CDH23: variants seen among roughly 807,000 people sequenced by gnomAD.
The protein encoded by CDH23 is cadherin-23.
In CDH23, 189 loss-of-function variants were observed where a neutral mutation model predicts 317.1. The observed-to-expected ratio is 0.60, with a 90% CI of 0.53 to 0.67. CDH23 has a LOEUF of 0.67. CDH23 is among the 30% of genes least tolerant of loss of function. The pLI is 0.00. For synonymous variants in CDH23, 1,839 were observed against 1,876.8 expected, an observed-to-expected ratio of 0.98 and a Z score of 0.52; for missense variants, 4,401 against 4,592.4, an observed-to-expected ratio of 0.96 and a Z score of 1.20.
intron 6 of CDH23, among the ~76,000 whole-genome samples, chr10:71,563,906 G>A (rs1035705167): frequency 4.6e-5 from 7 of 151,894 alleles, no homozygotes; most frequent in Non-Finnish European, 8.8e-5. Context: ...GCACCACCAC[G>A]CCCAGCTAAT....
At chr10:71,796,271 G>A (rs547059980) in intron 48 of CDH23, among the ~76,000 whole-genome samples, 7 of 152,176 alleles carry the variant, frequency 4.6e-5, no homozygotes, top group African/African-American at 1.2e-4. Context: ...CCCAAGAAAC[G>A]CAGCACTGAG....
chr10:71,489,748 T>C (rs545951427), intron 3 of CDH23, among the ~76,000 whole-genome samples: 1 of 152,172 alleles, frequency 6.6e-6, no homozygotes, highest in South Asian at 2.1e-4. Context: ...CTTAAGCACT[T>C]AAGCTCACTA....
At chr10:71,455,760 A>T (rs1336000343) in intron 3 of CDH23, among the ~76,000 whole-genome samples, 1 of 152,134 alleles carries the variant, frequency 6.6e-6, no homozygotes, top group East Asian at 1.9e-4. Flanking sequence ...TGTATTTTCC[A>T]CCTGTGCATT....
rs1391685463 is a variant in CDH23 at position 71,813,254 on chromosome 10, T to A, written c.9644T>A (p.Leu3215Gln). 2 of 1,551,496 alleles carry A rather than the reference T, an allele frequency of 1.3e-6. No individual in the cohort carries two copies. Among genetic ancestry groups the A allele is most frequent in the African/African-American group, 2.7e-5 (2 of 73,048 alleles). Reference protein sequence around the residue: ...IREGPIKGSLLKVVLEDYLRL... With the variant: ...IREGPIKGSLQKVVLEDYLRL... ...CTTTCCCTCCCCCAGGGCTCGCTGC[T>A]GAAGGTGGTCCTGGAGGATTACCTG... Residue 3215 changes from leucine (L) to glutamine (Q), a missense_variant, in exon 69 of 70, where the codon CTG becomes CAG. Leu to Gln is a moderately radical substitution (Grantham distance 113). Around this residue, in one of 3 missense-constraint regions of CDH23, gnomAD observed 1,144 missense variants for 1,138.2 expected, o/e 1.01. Coordinates refer to ENST00000224721, the MANE Select transcript of CDH23 (RefSeq NM_022124.6).
chr10:71,725,506 C>A lies in CDH23; in HGVS notation c.3565C>A (p.Arg1189=). Residue 1189 remains arginine, a synonymous_variant, in exon 30 of 70, where the codon CGG becomes AGG. Transcript: ENST00000224721. The part of the protein sequence containing the change: ...EAYNHDLGPM[R]SSVRVIVYVE... Reference sequence around the variant, plus strand: ...CTACAACCACGACCTGGGCCCCATGCGGAGCTCCGTCAGGGTGAGGCTAGG... The same window carrying A: ...CTACAACCACGACCTGGGCCCCATGAGGAGCTCCGTCAGGGTGAGGCTAGG... 6.2e-7 allele frequency: 1 copy of A among 1,613,310 alleles called. No individual in the cohort carries two copies. Among genetic ancestry groups the A allele is most frequent in the Non-Finnish European group, 8.5e-7 (1 of 1,179,606 alleles).
intron 1 of CDH23, among the ~76,000 whole-genome samples, chr10:71,404,264 C>T (rs1473002968): frequency 6.6e-6 from 1 of 152,218 alleles, no homozygotes; most frequent in Non-Finnish European, 1.5e-5. Flanking sequence ...TATGCCCCCT[C>T]CCACCCCATG....
intron 3 of CDH23, among the ~76,000 whole-genome samples, chr10:71,496,380 G>A (rs1852968984): frequency 6.6e-6 from 1 of 151,766 alleles, no homozygotes; most frequent in African/African-American, 2.4e-5. Context: ...TAAGCTGAAT[G>A]TGCCTGGGGT....
chr10:71,487,495 C>A (rs1240000134), intron 3 of CDH23, among the ~76,000 whole-genome samples: 1 of 152,186 alleles, frequency 6.6e-6, no homozygotes, highest in Non-Finnish European at 1.5e-5. Flanking sequence ...AACAGCGGTT[C>A]TTGCAAAGGG....
intron 14 of CDH23, chr10:71,646,970 C>T (rs759737536): frequency 1.3e-4 from 130 of 985,210 alleles, no homozygotes; most frequent in Non-Finnish European, 1.4e-4. Context: ...GGGCAACCCT[C>T]TCCATGTGAG....
intron 6 of CDH23, among the ~76,000 whole-genome samples, chr10:71,514,967 G>A (rs897337382): frequency 8.5e-5 from 13 of 152,204 alleles, no homozygotes; most frequent in South Asian, 2.1e-4. Context: ...CAGTACCTCC[G>A]TTAGGGGCGC....
In CDH23 at chr10:71,521,925, C is replaced by T. The variant is rs554281473; in HGVS notation, c.429+10713C>T. On this transcript the variant is annotated intron_variant, in intron 6 of 69. Transcript: ENST00000224721. Reference sequence around the variant, plus strand: ...CCCCCCACCTGCAGACAGGGGCGGTCGCCTGCCTGTGCACAGTAAGACAAG... The same window carrying T: ...CCCCCCACCTGCAGACAGGGGCGGTTGCCTGCCTGTGCACAGTAAGACAAG... 6.6e-5 allele frequency among the ~76,000 whole-genome samples: 10 copies of T among 152,282 alleles called. No individual in the cohort carries two copies. The South Asian group carries it at 1.2e-3, about 19-fold the overall frequency.
intron 38 of CDH23, among the ~76,000 whole-genome samples, chr10:71,772,822 CTG>C (rs912030548): frequency 5.3e-5 from 8 of 152,316 alleles, no homozygotes; most frequent in African/African-American, 1.9e-4. Flanking sequence ...AGTGCTGCCT[CTG>C]TGTCTGAAAG....
At chr10:71,618,235 G>T (rs1223300096) in intron 11 of CDH23, among the ~76,000 whole-genome samples, 2 of 152,120 alleles carry the variant, frequency 1.3e-5, no homozygotes, top group Non-Finnish European at 2.9e-5. Context: ...TCACCAGGGG[G>T]TCTACCCTGG....
At chr10:71,729,236 T>C (rs1866951844) in intron 30 of CDH23, among the ~76,000 whole-genome samples, 1 of 152,168 alleles carries the variant, frequency 6.6e-6, no homozygotes, top group African/African-American at 2.4e-5. Context: ...TGGTGCGTAA[T>C]TGCACAATTC....
intron 21 of CDH23, 140 bp downstream of exon 21, chr10:71,694,399 A>T: frequency 1.6e-6 from 1 of 644,866 alleles, no homozygotes; most frequent in East Asian, 2.8e-5. Context: ...TGAACCCATC[A>T]GCAGCAGAGG....
intron 3 of CDH23, among the ~76,000 whole-genome samples, chr10:71,474,633 G>A (rs141386165): frequency 1.5e-3 from 225 of 152,354 alleles, no homozygotes; most frequent in Non-Finnish European, 1.5e-3. Context: ...TTAGGGGCAC[G>A]GGGTGGGTGA....
chr10:71,524,817 T>C (rs967272572), intron 6 of CDH23, among the ~76,000 whole-genome samples: 2 of 152,190 alleles, frequency 1.3e-5, no homozygotes. Context: ...CCAAAGAATG[T>C]GGGTGTCCTC....
chr10:71,794,636 A>T (rs1841354116), intron 48 of CDH23: 1 of 152,256 alleles, frequency 6.6e-6, no homozygotes, highest in African/African-American at 2.4e-5. Context: ...GCAGTAAGAT[A>T]TCAGTTTTTC....
chr10:71,550,572 A>AAAAG (rs1856526806), intron 6 of CDH23, among the ~76,000 whole-genome samples: 1 of 113,290 alleles, frequency 8.8e-6, no homozygotes, highest in South Asian at 3.5e-4. Flanking sequence ...AAAAAAAAAA[A>AAAAG]AAAAAGAAAA....
Sources: gnomAD v4.1 joint callset for allele counts (sites outside exome capture counted in the v4.1 genomes callset) on GRCh38, gnomAD v4.1.1 for gene constraint, gnomAD v4.1.1 regional missense constraint, MANE v1.5 for transcripts, NCBI Gene and HGNC (gene_info 2026-07-23, HGNC 2026-07-21) for gene names.